GPCPD1: variants seen among roughly 807,000 people sequenced by gnomAD.
GPCPD1 encodes the protein glycerophosphocholine phosphodiesterase 1.
A neutral mutation model predicts 89.2 loss-of-function variants in GPCPD1; 29 were observed. The observed-to-expected ratio is 0.33, with a 90% CI of 0.24 to 0.44. GPCPD1 has a LOEUF of 0.44. Among genes scored for constraint, GPCPD1 ranks in the 20% least tolerant of loss-of-function variants. The pLI is 1.00. For synonymous variants in GPCPD1, 258 were observed against 266.3 expected (o/e 0.97, Z 0.30); for missense variants, 594 against 808.9 (o/e 0.73, Z 3.22).
Position 5,575,973 on chromosome 20 carries a change from A to C in GPCPD1, c.711T>G (p.Asp237Glu). The change falls in exon 9 of 20, where the codon GAT becomes GAG. Residue 237 changes from aspartate (D) to glutamate (E), a missense_variant. Coordinates refer to ENST00000379019, the MANE Select transcript of GPCPD1 (RefSeq NM_019593.5). Reference protein sequence around the residue: ...LELIFDFFEEDLSEHVVQGDA... With the variant: ...LELIFDFFEEELSEHVVQGDA... ...CACCCTGAACTACGTGCTCACTGAG[A>C]TCTTCCTGAAAAAATGAGATTTAAA... 1 of 1,570,704 alleles carries C rather than the reference A, an allele frequency of 6.4e-7. No homozygotes were observed.
At chr20:5,580,834 T>C (rs1978423960) in intron 6 of GPCPD1, among the ~76,000 whole-genome samples, 1 of 151,868 alleles carries the variant, frequency 6.6e-6, no homozygotes, top group African/African-American at 2.4e-5. Flanking sequence ...ATCCTGGTTC[T>C]ATCAATATCA....
rs142936925 is a variant in GPCPD1 at position 5,553,382 on chromosome 20, A to G, written c.1829+4563T>C. ...TTTCTACCTCTCCTCTGGCCTCCCT[A>G]TTCTCAGAGACACATCCATACTGAA... On this transcript the variant is annotated intron_variant, in intron 19 of 19. Transcript: ENST00000379019. 9.2e-5 allele frequency among the ~76,000 whole-genome samples: 14 copies of G among 152,210 alleles called. No homozygotes were observed. The East Asian group carries it at 2.7e-3, about 29-fold the overall frequency.
intron 1 of GPCPD1, among the ~76,000 whole-genome samples, chr20:5,604,920 TCTAGCCTGAGCC>T (rs1393984793): frequency 6.6e-6 from 1 of 151,574 alleles, no homozygotes; most frequent in African/African-American, 2.4e-5. Context: ...GCCACTGTAC[TCTAGCCTGAGCC>T]ACAGAGCAAG....
intron 8 of GPCPD1, among the ~76,000 whole-genome samples, chr20:5,577,327 G>A (rs1022150001): frequency 7.3e-5 from 11 of 151,020 alleles, no homozygotes; most frequent in Middle Eastern, 3.4e-3. Context: ...GGCCAAAAAC[G>A]TTTTTTTTAA....
chr20:5,609,578 T>C (rs1293234503), intron 1 of GPCPD1, among the ~76,000 whole-genome samples: 3 of 152,238 alleles, frequency 2.0e-5, no homozygotes, highest in Non-Finnish European at 1.5e-5. Flanking sequence ...TTTCCTGTTT[T>C]AACTCATACG....
At chr20:5,582,211 A>C (rs1014680767) in intron 6 of GPCPD1, among the ~76,000 whole-genome samples, 2 of 146,304 alleles carry the variant, frequency 1.4e-5, no homozygotes, top group South Asian at 4.2e-4. Flanking sequence ...AAAAAAAAAA[A>C]AAAAAAAACT....
At chr20:5,549,431 G>A in intron 19 of GPCPD1, 1 of 1,208,824 alleles carries the variant, frequency 8.3e-7, no homozygotes, top group South Asian at 1.2e-5. Flanking sequence ...GTCCCATGCA[G>A]ACACAGCTAC....
At position 5,547,384 on chromosome 20, in the gene GPCPD1, CA is replaced by C. The variant is rs1376747004; in HGVS notation, c.*276del. On this transcript the variant is annotated 3_prime_UTR_variant, in exon 20 of 20. Transcript: ENST00000379019. ...TTCAAAGTGCTATGCTTTTAATGAA[CA>C]TATGTTTAACATTATAGATTTATAT... The C allele has an allele frequency of 5.5e-6, 1 of 182,328 alleles. No homozygotes were observed. Among genetic ancestry groups the C allele is most frequent in the African/African-American group, 2.4e-5 (1 of 42,514 alleles). The allele number at this position is 182,328 out of a possible 1,614,324, so 11.3% of individuals were successfully genotyped here.
rs1600755627 is a variant in GPCPD1 at position 5,578,305 on chromosome 20, G to A, written c.705+75C>T. ...AGCTTTACACAAATTAGATTAAAAT[G>A]AAAATCAAAACCAACGTTAAAATAA... is the stretch of plus-strand genomic sequence containing the variant. On this transcript the variant is annotated intron_variant, in intron 8 of 19. Transcript: ENST00000379019. 3 of 929,260 alleles carry A rather than the reference G, an allele frequency of 3.2e-6. No individual in the cohort carries two copies. In the East Asian group the frequency reaches 7.2e-5, roughly 22 times the overall value. The allele number at this position is 929,260 out of a possible 1,614,324, so 57.6% of individuals were successfully genotyped here. A position where few individuals can be genotyped will look rare whatever the true frequency, so the allele number is the denominator to read the frequency against.
intron 19 of GPCPD1, chr20:5,548,981 G>C (rs1600704715): frequency 1.1e-6 from 1 of 909,774 alleles, no homozygotes; most frequent in Admixed American, 2.2e-5. Context: ...TTTTAAAAAA[G>C]ATAAAAGCAA....
chr20:5,575,550 C>A lies in GPCPD1; in HGVS notation c.869-5G>T. On this transcript the variant is annotated splice_region_variant and splice_polypyrimidine_tract_variant and intron_variant, in intron 9 of 19. Coordinates refer to ENST00000379019, the MANE Select transcript of GPCPD1 (RefSeq NM_019593.5). Reference sequence around the variant, plus strand: ...GCTTAATAATTATATAGTCAACTTTCATAGGAAAAAAGAGGGAGGAACAAA... The same window carrying A: ...GCTTAATAATTATATAGTCAACTTTAATAGGAAAAAAGAGGGAGGAACAAA... The A allele has an allele frequency of 6.5e-7, 1 of 1,549,790 alleles. No individual in the cohort carries two copies. The highest frequency in any genetic ancestry group is 1.2e-5 in the South Asian group (1 of 85,770).
intron 10 of GPCPD1, among the ~76,000 whole-genome samples, chr20:5,574,397 ACT>A (rs534377237): frequency 1.3e-3 from 195 of 152,254 alleles, no homozygotes; most frequent in Middle Eastern, 3.4e-3. Flanking sequence ...AAGTATGGAA[ACT>A]CTATTCATAA....
chr20:5,579,158 C>A (rs1030659207), intron 7 of GPCPD1, among the ~76,000 whole-genome samples: 13 of 152,052 alleles, frequency 8.5e-5, no homozygotes, highest in African/African-American at 3.1e-4. Flanking sequence ...GTACTCCAAC[C>A]TGGGTGACAC....
intron 1 of GPCPD1, among the ~76,000 whole-genome samples, chr20:5,604,962 A>C (rs2122818316): frequency 6.6e-6 from 1 of 152,292 alleles, no homozygotes; most frequent in Non-Finnish European, 1.5e-5. Flanking sequence ...CGAAAAAAAC[A>C]AAACACAAAG....
At chr20:5,550,206 C>A (rs1600706823) in intron 19 of GPCPD1, among the ~76,000 whole-genome samples, 3 of 114,426 alleles carry the variant, frequency 2.6e-5, no homozygotes, top group Admixed American at 9.1e-5. Flanking sequence ...AAAAAACAAA[C>A]AAAGCAAACA....
chr20:5,579,695 C>T (rs1007784330), intron 7 of GPCPD1, among the ~76,000 whole-genome samples: 2 of 152,194 alleles, frequency 1.3e-5, no homozygotes, highest in African/African-American at 4.8e-5. Flanking sequence ...ACGCCCGACA[C>T]ATTATATCAA....
chr20:5,582,653 C>T (rs753014883), intron 6 of GPCPD1, among the ~76,000 whole-genome samples: 14 of 152,102 alleles, frequency 9.2e-5, no homozygotes, highest in Admixed American at 2.6e-4. Flanking sequence ...CTTTGGGAGG[C>T]CAAGGCAGGC....
At position 5,575,552 on chromosome 20, in the gene GPCPD1, T is replaced by A. The variant is rs1338569648; in HGVS notation, c.869-7A>T. 1.3e-6 allele frequency: 2 copies of A among 1,548,432 alleles called. No homozygotes were observed. The highest frequency in any genetic ancestry group is 2.3e-5 in the South Asian group (2 of 85,912). ...TTAATAATTATATAGTCAACTTTCA[T>A]AGGAAAAAAGAGGGAGGAACAAAAA... On this transcript the variant is annotated splice_region_variant and splice_polypyrimidine_tract_variant and intron_variant, in intron 9 of 19. Transcript: ENST00000379019.
chr20:5,556,749 T>C (rs949165637), intron 19 of GPCPD1, among the ~76,000 whole-genome samples: 7 of 152,208 alleles, frequency 4.6e-5, no homozygotes, highest in Non-Finnish European at 1.0e-4. Context: ...CAATAAATTA[T>C]TTGACTCCCT....
Sources: gnomAD v4.1 joint callset for allele counts (sites outside exome capture counted in the v4.1 genomes callset) on GRCh38, gnomAD v4.1.1 for gene constraint, MANE v1.5 for transcripts, NCBI Gene and HGNC (gene_info 2026-07-23, HGNC 2026-07-21) for gene names.